The following PCDHA7 variants were observed in gnomAD, a reference collection of about 807,000 sequenced individuals.
The protein encoded by PCDHA7 is protocadherin alpha 7, also known as protocadherin alpha-7.
In PCDHA7, 37 loss-of-function variants were observed where a neutral mutation model predicts 57.2. That is an observed-to-expected ratio of 0.65 (90% CI 0.50 to 0.85). The LOEUF (loss-of-function observed/expected upper bound fraction) is 0.85. Ranked by LOEUF, PCDHA7 falls within the 40% of genes least tolerant of loss-of-function variation. The probability of loss-of-function intolerance (pLI) is 0.00; values close to 1 mark genes in which losing one functional copy is unlikely to be tolerated. For synonymous variants in PCDHA7, 553 were observed against 558.8 expected, an observed-to-expected ratio of 0.99 and a Z score of 0.15; for missense variants, 1,188 against 1,241.8, an observed-to-expected ratio of 0.96 and a Z score of 0.65.
intron 1 of PCDHA7, among the ~76,000 whole-genome samples, chr5:140,932,531 G>A (rs1379233805): frequency 4.6e-5 from 7 of 151,752 alleles, no homozygotes; most frequent in Non-Finnish European, 8.9e-5. Context: ...TGGCATTCAA[G>A]GTGCTTTATT....
intron 1 of PCDHA7, among the ~76,000 whole-genome samples, chr5:140,879,645 G>T (rs1392592069): frequency 2.0e-5 from 3 of 152,228 alleles, no homozygotes; most frequent in Non-Finnish European, 4.4e-5. Flanking sequence ...GCTTCCTGTG[G>T]CTGCTATAAC....
chr5:140,961,336 G>C (rs2095605046), intron 1 of PCDHA7, among the ~76,000 whole-genome samples: 1 of 152,178 alleles, frequency 6.6e-6, no homozygotes, highest in African/African-American at 2.4e-5. Context: ...GAGAGACCAA[G>C]AGTGGATCCC....
chr5:140,864,184 A>T (rs2153225198), intron 1 of PCDHA7: 1 of 152,304 alleles, frequency 6.6e-6, no homozygotes, highest in East Asian at 1.9e-4. Context: ...ATGATGAATA[A>T]TGATCCTTAT....
At chr5:140,923,664 T>C (rs898223251) in intron 1 of PCDHA7, among the ~76,000 whole-genome samples, 1 of 152,234 alleles carries the variant, frequency 6.6e-6, no homozygotes, top group Non-Finnish European at 1.5e-5. Context: ...CTTTGGGATA[T>C]CGTTCTCTCT....
intron 3 of PCDHA7, among the ~76,000 whole-genome samples, chr5:140,990,652 A>T (rs1023448596): frequency 1.3e-4 from 20 of 152,208 alleles, no homozygotes; most frequent in Admixed American, 1.3e-3. Flanking sequence ...GCCAGTATGA[A>T]TGATTTACAT....
At chr5:140,871,075 C>A in intron 1 of PCDHA7, 1 of 1,613,242 alleles carries the variant, frequency 6.2e-7, no homozygotes. Context: ...TGAGCCGGCG[C>A]TGACGGCCAC....
chr5:140,995,184 T>G (rs1382886542), intron 3 of PCDHA7, among the ~76,000 whole-genome samples: 3 of 152,168 alleles, frequency 2.0e-5, no homozygotes, highest in African/African-American at 7.2e-5. Flanking sequence ...GCACCTATGA[T>G]AAAGTTTAAT....
chr5:140,941,199 C>CT (rs879983584), intron 1 of PCDHA7, among the ~76,000 whole-genome samples: 21,657 of 115,670 alleles, frequency 0.19, 2,171 homozygotes, highest in East Asian at 0.37. Flanking sequence ...TTTTTTCTTT[C>CT]TTCCTTTCTT....
intron 1 of PCDHA7, chr5:140,858,692 C>A: frequency 1.7e-6 from 1 of 580,634 alleles, no homozygotes; most frequent in Non-Finnish European, 2.9e-6. Flanking sequence ...TAATATTTTC[C>A]AATACAAATA....
chr5:140,900,360 C>T (rs952432002), intron 1 of PCDHA7, among the ~76,000 whole-genome samples: 2 of 152,168 alleles, frequency 1.3e-5, no homozygotes, highest in Non-Finnish European at 2.9e-5. Flanking sequence ...TCACCGCAAC[C>T]TCTGCCTCCT....
chr5:140,871,094 T>A, intron 1 of PCDHA7: 3 of 1,613,260 alleles, frequency 1.9e-6, no homozygotes, highest in Non-Finnish European at 2.5e-6. Context: ...ACGGCCACCG[T>A]GCTGGTGTCG....
chr5:140,843,603 G>C lies in PCDHA7; in HGVS notation c.2355+6865G>C, dbSNP rs2150363259. ...CAACAGCCGCAGAGGGTGTGCTCTG[G>C]TGAGGGGCCACCGAAGACGGACCTC... On this transcript the variant is annotated intron_variant, in intron 1 of 3. Coordinates refer to ENST00000525929, the MANE Select transcript of PCDHA7 (RefSeq NM_018910.3). 45 of 1,596,084 alleles carry C rather than the reference G, an allele frequency of 2.8e-5. 3 individuals carry two copies. The East Asian group carries it at 3.1e-4, about 11-fold the overall frequency.
rs2150332789 is a variant in PCDHA7, at chr5:140,842,251, T to C, written c.2355+5513T>C. 6 of 1,611,822 alleles carry C rather than the reference T, an allele frequency of 3.7e-6. 1 individual carries two copies. The highest frequency in any genetic ancestry group is 5.1e-6 in the Non-Finnish European group (6 of 1,178,190). Reference sequence around the variant, plus strand: ...TAGTGATTCGGGGTAATTTGGATTTTGAACAAGAAAACTTATACAAAATCC... The same window carrying C: ...TAGTGATTCGGGGTAATTTGGATTTCGAACAAGAAAACTTATACAAAATCC... On this transcript the variant is annotated intron_variant, in intron 1 of 3. Coordinates refer to ENST00000525929, the MANE Select transcript of PCDHA7 (RefSeq NM_018910.3).
chr5:140,877,324 G>C (rs782336745), intron 1 of PCDHA7: 3 of 1,613,990 alleles, frequency 1.9e-6, no homozygotes, highest in Non-Finnish European at 2.5e-6. Context: ...GGCGGTCGGC[G>C]CGCACATCCC....
chr5:141,003,352 C>T (rs747533399), intron 3 of PCDHA7, among the ~76,000 whole-genome samples: 38 of 152,318 alleles, frequency 2.5e-4, no homozygotes, highest in Non-Finnish European at 1.5e-4. Context: ...TGCTCTGTCA[C>T]CCAGGCTGGA....
rs1490368496 is a variant in PCDHA7, at chr5:140,848,582, C to T, written c.2355+11844C>T. ...TCGCAATGTGGGTGGTGGGGAGCGG[C>T]CAGCTCCACTACTCCGTCCCGGAGG... is the stretch of plus-strand genomic sequence containing the variant. On this transcript the variant is annotated intron_variant, in intron 1 of 3. Transcript: ENST00000525929. 1.7e-5 allele frequency: 27 copies of T among 1,595,002 alleles called. 2 individuals carry two copies. Among genetic ancestry groups the T allele is most frequent in the African/African-American group, 6.7e-5 (5 of 74,374 alleles).
At chr5:140,993,468 AC>A (rs2097564676) in intron 3 of PCDHA7, among the ~76,000 whole-genome samples, 1 of 69,412 alleles carries the variant, frequency 1.4e-5, no homozygotes, top group South Asian at 5.5e-4. Context: ...TTTCTCACAC[AC>A]ACACACACAC....
Position 140,884,409 on chromosome 5 carries a change from C to G in PCDHA7, c.2355+47671C>G, listed in dbSNP as rs373513056. The G allele has an allele frequency of 2.7e-5, 43 of 1,613,874 alleles. No individual in the cohort carries two copies. The highest frequency in any genetic ancestry group is 4.0e-5 in the African/African-American group (3 of 74,930). On this transcript the variant is annotated intron_variant, in intron 1 of 3. Coordinates refer to ENST00000525929, the MANE Select transcript of PCDHA7 (RefSeq NM_018910.3). ...GCGGTGTCCAGCCTGTTGGTGCTCA[C>G]GTTGCTGCTGTATACTGCGCTGCGG...
At chr5:140,928,625 A>C in intron 1 of PCDHA7, 1 of 1,614,224 alleles carries the variant, frequency 6.2e-7, no homozygotes, top group Non-Finnish European at 8.5e-7. Flanking sequence ...AGGACTGGAC[A>C]CTTGGTCACA....
Sources: gnomAD v4.1 joint callset for allele counts (sites outside exome capture counted in the v4.1 genomes callset) on GRCh38, gnomAD v4.1.1 for gene constraint, MANE v1.5 for transcripts, NCBI Gene and HGNC (gene_info 2026-07-23, HGNC 2026-07-21) for gene names.